The following DDX52 variants were observed in gnomAD, a reference collection of about 807,000 sequenced individuals.
The protein encoded by DDX52 is DExD-box helicase 52.
In DDX52, 59 loss-of-function variants were observed where a neutral mutation model predicts 76.1. The observed-to-expected ratio is 0.78, with a 90% CI of 0.63 to 0.96. DDX52 has a LOEUF of 0.96. Among genes scored for constraint, DDX52 ranks in the 40% least tolerant of loss-of-function variants. The pLI is 0.00. For missense variants in DDX52, 707 were observed against 703.9 expected (o/e 1.00, Z -0.05); for synonymous variants, 231 against 244.1 (o/e 0.95, Z 0.50).
Position 37,622,369 on chromosome 17 carries a change from C to T in DDX52, c.1228-849G>A, listed in dbSNP as rs184094818. Among the ~76,000 whole-genome samples the T allele has an allele frequency of 6.3e-3, 957 of 151,788 alleles. 8 individuals carry two copies. The highest frequency in any genetic ancestry group is 0.037 in the Middle Eastern group (11 of 294). ...AATACAGTGGTGCAATCTTGGCTCA[C>T]TGCAACCTCTGCCTCCCAGGTTCAA... On this transcript the variant is annotated intron_variant, in intron 9 of 14. Coordinates refer to ENST00000617633, the MANE Select transcript of DDX52 (RefSeq NM_007010.5).
At chr17:37,630,355 T>C (rs2030617783) in intron 4 of DDX52, among the ~76,000 whole-genome samples, 182 bp from the exon 5 acceptor site, 3 of 152,224 alleles carry the variant, frequency 2.0e-5, no homozygotes, top group African/African-American at 2.4e-5. Context: ...CCAACAAAGT[T>C]TCTGAGCATT....
chr17:37,621,979 T>G (rs868046285), intron 9 of DDX52, among the ~76,000 whole-genome samples: 11 of 152,208 alleles, frequency 7.2e-5, no homozygotes, highest in Admixed American at 4.6e-4. Context: ...TGGGGAAATC[T>G]GGGCTTTTAG....
intron 2 of DDX52, among the ~76,000 whole-genome samples, chr17:37,636,757 CAAGAT>C (rs1189947452): frequency 6.6e-6 from 1 of 152,080 alleles, no homozygotes; most frequent in East Asian, 1.9e-4. Flanking sequence ...TAAGAAGGAA[CAAGAT>C]AATATTGAAG....
At chr17:37,636,201 G>A (rs964812430) in intron 2 of DDX52, among the ~76,000 whole-genome samples, 2 of 151,956 alleles carry the variant, frequency 1.3e-5, no homozygotes, top group African/African-American at 4.8e-5. Flanking sequence ...TTTTTTTCCT[G>A]TTTTCTTCTG....
At chr17:37,619,175 T>G (rs1004050541) in intron 13 of DDX52, among the ~76,000 whole-genome samples, 7 of 152,106 alleles carry the variant, frequency 4.6e-5, no homozygotes, top group African/African-American at 1.7e-4. Flanking sequence ...GGTCAGGAGT[T>G]TGAGACCAGC....
At position 37,613,525 on chromosome 17, in the gene DDX52, A is replaced by G. The variant is rs2064391172; in HGVS notation, c.*771T>C. The stretch of plus-strand genomic sequence containing the variant: ...GATCATGATCTTGTACAACATTATG[A>G]CAGCACTAAGGTATTACGTATCCAA... On this transcript the variant is annotated 3_prime_UTR_variant, in exon 15 of 15. Coordinates refer to ENST00000617633, the MANE Select transcript of DDX52 (RefSeq NM_007010.5). 1 of 152,204 alleles carries G rather than the reference A, an allele frequency of 6.6e-6. No individual in the cohort carries two copies. The highest frequency in any genetic ancestry group is 2.1e-4 in the South Asian group (1 of 4,828). The allele number at this position is 152,204 out of a possible 1,614,324, so 9.4% of individuals were successfully genotyped here.
chr17:37,641,148 T>A (rs1007000266), intron 2 of DDX52, among the ~76,000 whole-genome samples: 4 of 151,860 alleles, frequency 2.6e-5, no homozygotes, highest in African/African-American at 9.7e-5. Flanking sequence ...CCCAGCACTT[T>A]AGGAGGCGGA....
intron 2 of DDX52, among the ~76,000 whole-genome samples, chr17:37,637,428 G>A (rs111578179): frequency 1.3e-5 from 2 of 151,784 alleles, no homozygotes; most frequent in African/African-American, 4.8e-5. Context: ...ACTGCTCCTG[G>A]CCCTATTTTT....
intron 2 of DDX52, among the ~76,000 whole-genome samples, chr17:37,641,465 G>A (rs564722369): frequency 9.2e-5 from 14 of 152,224 alleles, no homozygotes; most frequent in African/African-American, 2.4e-4. Flanking sequence ...CAGGCAGGGC[G>A]CGGTGGTTCA....
intron 1 of DDX52, 149 bp downstream of exon 1, chr17:37,643,185 G>T: frequency 1.4e-6 from 1 of 718,130 alleles, no homozygotes. Flanking sequence ...GTGCAGGCAA[G>T]CCGAACACAA....
rs568303328 is a variant in DDX52 at position 37,611,027 on chromosome 17, T to C, written c.*3269A>G. 6 of 152,362 alleles carry C rather than the reference T, an allele frequency of 3.9e-5. No homozygotes were observed. In the South Asian group the frequency reaches 1.2e-3, roughly 32 times the overall value. 9.4% of individuals were successfully genotyped at this position (152,362 alleles called of 1,614,324 possible). On this transcript the variant is annotated 3_prime_UTR_variant, in exon 15 of 15. Coordinates refer to ENST00000617633, the MANE Select transcript of DDX52 (RefSeq NM_007010.5). Reference sequence around the variant, plus strand: ...GGATCATAGATGTGACCTCAGTTTGTCCTGGAATCCTTTTTGTTCCTCTTC... The same window carrying C: ...GGATCATAGATGTGACCTCAGTTTGCCCTGGAATCCTTTTTGTTCCTCTTC...
intron 8 of DDX52, among the ~76,000 whole-genome samples, chr17:37,624,677 AT>A (rs1380712653): frequency 6.6e-6 from 1 of 152,118 alleles, no homozygotes; most frequent in Non-Finnish European, 1.5e-5. Context: ...TCAGTCATAA[AT>A]TTTCAGGTAT....
rs1185859494 is a variant in DDX52 at position 37,613,390 on chromosome 17, TCTTC to T, written c.*902_*905del. ...GAGGTATATCAAGTAACAAGAACATTCTTCCTTATCAGGATAAAATGTTTATCAG... is the reference window on the plus strand; with the variant it reads ...GAGGTATATCAAGTAACAAGAACATTCTTATCAGGATAAAATGTTTATCAG... On this transcript the variant is annotated 3_prime_UTR_variant, in exon 15 of 15. Transcript: ENST00000617633. The T allele has an allele frequency of 2.6e-5, 4 of 152,188 alleles. No individual in the cohort carries two copies. Among genetic ancestry groups the T allele is most frequent in the East Asian group, 1.9e-4 (1 of 5,198 alleles). The allele number at this position is 152,188 out of a possible 1,614,324, so 9.4% of individuals were successfully genotyped here. A position where few individuals can be genotyped will look rare whatever the true frequency, so the allele number is the denominator to read the frequency against.
chr17:37,633,883 C>G (rs2030803061), intron 2 of DDX52, among the ~76,000 whole-genome samples: 1 of 150,628 alleles, frequency 6.6e-6, no homozygotes, highest in South Asian at 2.1e-4. Context: ...ACTTAGTATA[C>G]TTGAAAACAA....
At position 37,613,986 on chromosome 17, in the gene DDX52, G is replaced by C. The variant is rs73293865; in HGVS notation, c.*310C>G. ...CATTTAAAAGTCACCTACAGAGCTG[G>C]GTGCAGCAGCTTGTGCCTGTAATCT... On this transcript the variant is annotated 3_prime_UTR_variant, in exon 15 of 15. Coordinates refer to ENST00000617633, the MANE Select transcript of DDX52 (RefSeq NM_007010.5). The C allele has an allele frequency of 0.028, 7,920 of 278,022 alleles. 631 individuals carry two copies. The highest frequency in any genetic ancestry group is 0.16 in the African/African-American group (7,364 of 45,706). The allele number at this position is 278,022 out of a possible 1,614,324, so 17.2% of individuals were successfully genotyped here.
At position 37,627,709 on chromosome 17, in the gene DDX52, G is replaced by GA. The variant is rs10673620; in HGVS notation, c.860-850dup. ...AGTGGACAATGTCAAAAAACAAAAA[G>GA]AAAAAAAAAAAAAATGAAAGCAGAT... On this transcript the variant is annotated intron_variant, in intron 6 of 14. Transcript: ENST00000617633. Among the ~76,000 whole-genome samples the GA allele has an allele frequency of 1.1e-3, 147 of 131,346 alleles. 1 individual carries two copies. Among genetic ancestry groups the GA allele is most frequent in the Middle Eastern group, 3.8e-3 (1 of 264 alleles). The allele number at this position is 131,346 out of a possible 152,430, so 86.2% of individuals were successfully genotyped here.
chr17:37,643,271 G>T, intron 1 of DDX52, 63 bp downstream of exon 1: 1 of 1,537,882 alleles, frequency 6.5e-7, no homozygotes. Flanking sequence ...CCCAGCAGCG[G>T]GTTCATTCCC....
In DDX52 at chr17:37,626,809, G is replaced by T; in HGVS notation, c.911C>A (p.Pro304His). ...ATACCTTGCTAGGTCGATTCCGGGG[G>T]GATCTTGCTTTAATAAATAGATTAG... is the stretch of plus-strand genomic sequence containing the variant. ...NRLIYLLKQD[P>H]PGIDLASVEW... The change falls in exon 7 of 15, where the codon CCC becomes CAC. Residue 304 changes from proline to histidine, a missense_variant. Physicochemically the swap from Pro to His is moderately conservative, Grantham distance 77 (BLOSUM62 -2). Coordinates refer to ENST00000617633, the MANE Select transcript of DDX52 (RefSeq NM_007010.5). 1.9e-6 allele frequency: 3 copies of T among 1,611,470 alleles called. No individual in the cohort carries two copies. The highest frequency in any genetic ancestry group is 1.3e-5 in the African/African-American group (1 of 74,784).
intron 2 of DDX52, among the ~76,000 whole-genome samples, chr17:37,637,160 G>C (rs551124348): frequency 8.6e-5 from 13 of 151,718 alleles, no homozygotes; most frequent in African/African-American, 3.1e-4. Flanking sequence ...GAGTCTTACT[G>C]TGTCACCCAG....
Sources: gnomAD v4.1 joint callset for allele counts (sites outside exome capture counted in the v4.1 genomes callset) on GRCh38, gnomAD v4.1.1 for gene constraint, MANE v1.5 for transcripts, NCBI Gene and HGNC (gene_info 2026-07-23, HGNC 2026-07-21) for gene names.